ZNF557: variants seen among roughly 807,000 people sequenced by gnomAD.
The protein encoded by ZNF557 is zinc finger protein 557, also known as CTB-25J19.9.
Under a neutral mutation model 21.2 loss-of-function variants are expected in ZNF557, and 19 were observed. That is an observed-to-expected ratio of 0.90 (90% CI 0.63 to 1.32). The LOEUF (loss-of-function observed/expected upper bound fraction) is 1.32, where lower values mean the gene tolerates loss of function less well. Among genes scored for constraint, ZNF557 ranks in the 40% most tolerant of loss-of-function variants. The pLI, the probability that ZNF557 is intolerant of heterozygous loss-of-function variation, is 0.00. For missense variants in ZNF557, 487 were observed against 519.8 expected (o/e 0.94, Z 0.61); for synonymous variants, 207 against 194.8 (o/e 1.06, Z -0.52).
rs1198765161 is a variant in ZNF557 at position 7,083,465 on chromosome 19, C to T, written c.1014C>T (p.His338=). 5.0e-6 allele frequency: 8 copies of T among 1,614,032 alleles called. No individual in the cohort carries two copies. The highest frequency in any genetic ancestry group is 1.3e-5 in the African/African-American group (1 of 74,910). Residue 338 remains histidine (H), a synonymous_variant, in exon 8 of 8, where the codon CAC becomes CAT. Transcript: ENST00000252840. The part of the protein sequence containing the change: ...TFRRRSNLTQ[H]IRTHTGEKPY... The stretch of plus-strand genomic sequence containing the variant: ...GGAGGAGGTCGAATCTGACACAGCA[C>T]ATAAGAACTCATACTGGAGAAAAAC...
Position 7,083,396 on chromosome 19 carries a change from A to T in ZNF557, c.945A>T (p.Thr315=), listed in dbSNP as rs371713714. The stretch of plus-strand genomic sequence containing the variant: ...TTTCTTCGCACTATAGCATTCATAC[A>T]GGGGAGTACCCTTACGAATGCCACG... ...SSLSSHYSIH[T]GEYPYECHDC... The change falls in exon 8 of 8, where the codon ACA becomes ACT. Residue 315 remains threonine, a synonymous_variant. Transcript: ENST00000252840. 2.5e-6 allele frequency: 4 copies of T among 1,614,102 alleles called. No individual in the cohort carries two copies. In the African/African-American group the frequency reaches 5.3e-5, roughly 22 times the overall value.
In ZNF557 at chr19:7,079,663, GTTTC is replaced by G. The variant is rs1276824822; in HGVS notation, c.248-1693_248-1690del. On this transcript the variant is annotated intron_variant, in intron 5 of 7. Transcript: ENST00000252840. ...CCCAAGGTTTGTTGTAGTTGGTATT[GTTTC>G]TTTGTTTAGTGACATTTCTGAACTA... Among the ~76,000 whole-genome samples, 3 of 152,012 alleles carry G rather than the reference GTTTC, an allele frequency of 2.0e-5. No individual in the cohort carries two copies. In the East Asian group the frequency reaches 5.8e-4, roughly 29 times the overall value.
In ZNF557 at chr19:7,070,647, T is replaced by G. The variant is rs1977438787; in HGVS notation, c.-86T>G. 1 of 152,212 alleles carries G rather than the reference T, an allele frequency of 6.6e-6. No individual in the cohort carries two copies. The highest frequency in any genetic ancestry group is 1.5e-5 in the Non-Finnish European group (1 of 68,038). The allele number at this position is 152,212 out of a possible 1,614,324, so 9.4% of individuals were successfully genotyped here. A position where few individuals can be genotyped will look rare whatever the true frequency, so the allele number is the denominator to read the frequency against. ...CCTCACTGATCCGTGGACTTCTGTA[T>G]GATCAGGTAGGTACCGTGTAGAACC... On this transcript the variant is annotated 5_prime_UTR_variant, in exon 2 of 8. It removes an upstream start codon present in the reference 5' UTR. Coordinates refer to ENST00000252840, the MANE Select transcript of ZNF557 (RefSeq NM_024341.3).
intron 1 of ZNF557, among the ~76,000 whole-genome samples, chr19:7,070,091 A>G (rs1977429971): frequency 6.6e-6 from 1 of 152,202 alleles, no homozygotes; most frequent in African/African-American, 2.4e-5. Flanking sequence ...GCAGCTCAGC[A>G]TCCTGCAGCG....
In ZNF557 at chr19:7,087,649, C is replaced by A. The variant is rs1264072570; in HGVS notation, c.*3905C>A. ...GTTCTGCATATTACTAGACTTCTTA[C>A]ATGATCACAAGTAACCACTAATTGG... On this transcript the variant is annotated 3_prime_UTR_variant, in exon 8 of 8. Transcript: ENST00000252840. 6.6e-6 allele frequency: 1 copy of A among 151,818 alleles called. No individual in the cohort carries two copies. The highest frequency in any genetic ancestry group is 2.1e-4 in the South Asian group (1 of 4,814). The allele number at this position is 151,818 out of a possible 1,614,324, so 9.4% of individuals were successfully genotyped here.
chr19:7,080,282 C>T (rs1478666417), intron 5 of ZNF557, among the ~76,000 whole-genome samples: 3 of 152,026 alleles, frequency 2.0e-5, no homozygotes, highest in Non-Finnish European at 2.9e-5. Context: ...CTAGCCTGGG[C>T]GACAGAGCAA....
In ZNF557 at chr19:7,083,815, A is replaced by C; in HGVS notation, c.*71A>C. On this transcript the variant is annotated 3_prime_UTR_variant, in exon 8 of 8. Transcript: ENST00000252840. The stretch of plus-strand genomic sequence containing the variant: ...GATAACATGAGCAAACTCTAACAAG[A>C]TGTATGAATCACCTGCTACTGTGTA... 1 of 1,512,690 alleles carries C rather than the reference A, an allele frequency of 6.6e-7. No individual in the cohort carries two copies. The highest frequency in any genetic ancestry group is 8.9e-7 in the Non-Finnish European group (1 of 1,126,602). 93.7% of individuals were successfully genotyped at this position (1,512,690 alleles called of 1,614,324 possible).
At position 7,081,359 on chromosome 19, in the gene ZNF557, G is replaced by T; in HGVS notation, c.248-1G>T. On this transcript the variant is annotated splice_acceptor_variant, in intron 5 of 7. Coordinates refer to ENST00000252840, the MANE Select transcript of ZNF557 (RefSeq NM_024341.3). LOFTEE classifies it high-confidence loss of function. The stretch of plus-strand genomic sequence containing the variant: ...ATCATGTGTCTTTTCTCCATGTACA[G>T]GGAACCAAGTTGATAAACCTAGGCT... 1.2e-6 allele frequency: 2 copies of T among 1,612,074 alleles called. No homozygotes were observed. The highest frequency in any genetic ancestry group is 2.2e-5 in the South Asian group (2 of 90,970).
intron 4 of ZNF557, 109 bp downstream of exon 4, chr19:7,075,852 C>T: frequency 2.0e-6 from 3 of 1,523,976 alleles, no homozygotes; most frequent in Non-Finnish European, 2.7e-6. Context: ...CCTCAGGCAT[C>T]CCAGGGTCTC....
At position 7,083,690 on chromosome 19, in the gene ZNF557, C is replaced by G. The variant is rs757252329; in HGVS notation, c.1239C>G (p.Phe413Leu). Residue 413 changes from phenylalanine to leucine, a missense_variant, in exon 8 of 8, where the codon TTC becomes TTG. Transcript: ENST00000252840. The part of the protein sequence containing the change: ...PYECNYCGKS[F>L]TSNSYLSVHT... ...AATGTAATTATTGCGGGAAATCCTT[C>G]ACAAGTAACTCCTACCTTTCTGTGC... The G allele has an allele frequency of 6.2e-6, 10 of 1,613,776 alleles. No homozygotes were observed. The Admixed American group carries it at 1.7e-4, about 27-fold the overall frequency.
intron 5 of ZNF557, among the ~76,000 whole-genome samples, chr19:7,077,347 G>A (rs1977607504): frequency 6.6e-6 from 1 of 151,772 alleles, no homozygotes; most frequent in Non-Finnish European, 1.5e-5. Flanking sequence ...TGTTGGCCAG[G>A]CTGGTCTTGA....
chr19:7,071,243 A>C (rs1157348740), intron 2 of ZNF557, among the ~76,000 whole-genome samples: 2 of 151,270 alleles, frequency 1.3e-5, no homozygotes, highest in Non-Finnish European at 3.0e-5. Context: ...TTTTTCTTTT[A>C]TTTTTTTCTT....
At chr19:7,073,139 G>GTTT (rs1223246978) in intron 2 of ZNF557, among the ~76,000 whole-genome samples, 2 of 98,326 alleles carry the variant, frequency 2.0e-5, no homozygotes, top group South Asian at 3.5e-4. Flanking sequence ...ACAGATATTT[G>GTTT]TTTTTTTGGT....
rs372991686 is a variant in ZNF557, at chr19:7,083,678, C to T, written c.1227C>T (p.Cys409=). The change falls in exon 8 of 8, where the codon TGC becomes TGT. Residue 409 remains cysteine (C), a synonymous_variant. Transcript: ENST00000252840. ...AAAAACCCTATGAATGTAATTATTG[C>T]GGGAAATCCTTCACAAGTAACTCCT... ...TGKKPYECNY[C]GKSFTSNSYL... The T allele has an allele frequency of 1.1e-5, 17 of 1,613,784 alleles. No individual in the cohort carries two copies. Among genetic ancestry groups the T allele is most frequent in the East Asian group, 6.7e-5 (3 of 44,892 alleles).
chr19:7,075,020 G>C lies in ZNF557; in HGVS notation c.-55G>C. The C allele has an allele frequency of 6.2e-7, 1 of 1,613,688 alleles. No homozygotes were observed. Among genetic ancestry groups the C allele is most frequent in the Non-Finnish European group, 8.5e-7 (1 of 1,179,922 alleles). The stretch of plus-strand genomic sequence containing the variant: ...GGGTGCTGTCCTGAGAGCGCTGCGG[G>C]ATAAAGGAGGAGCGTCCTGCTTCCC... On this transcript the variant is annotated 5_prime_UTR_variant, in exon 3 of 8. Transcript: ENST00000252840.
Position 7,085,805 on chromosome 19 carries a change from TA to T in ZNF557, c.*2062del, listed in dbSNP as rs1977826411. On this transcript the variant is annotated 3_prime_UTR_variant, in exon 8 of 8. Coordinates refer to ENST00000252840, the MANE Select transcript of ZNF557 (RefSeq NM_024341.3). ...CTTTTAATATAAACATTTATGGCTA[TA>T]GTGGTCCTGAAAATCTTACTACCTC... 1 of 152,232 alleles carries T rather than the reference TA, an allele frequency of 6.6e-6. No individual in the cohort carries two copies. Among genetic ancestry groups the T allele is most frequent in the Non-Finnish European group, 1.5e-5 (1 of 68,038 alleles). 9.4% of individuals were successfully genotyped at this position (152,232 alleles called of 1,614,324 possible). A position where few individuals can be genotyped will look rare whatever the true frequency, so the allele number is the denominator to read the frequency against.
At chr19:7,076,597 A>G in intron 5 of ZNF557, 90 bp downstream of exon 5, 4 of 1,529,398 alleles carry the variant, frequency 2.6e-6, no homozygotes, top group South Asian at 2.6e-5. Flanking sequence ...ACAGGACACA[A>G]AAGTCACCAT....
intron 5 of ZNF557, 57 bp downstream of exon 5, chr19:7,076,564 T>G (rs2145168924): frequency 6.3e-7 from 1 of 1,577,352 alleles, no homozygotes; most frequent in South Asian, 1.2e-5. Context: ...AGTCTTTTTT[T>G]TCTTTTTTTA....
chr19:7,081,357 C>T lies in ZNF557; in HGVS notation c.248-3C>T, dbSNP rs1337440150. The T allele has an allele frequency of 1.9e-6, 3 of 1,610,338 alleles. No homozygotes were observed. Among genetic ancestry groups the T allele is most frequent in the African/African-American group, 2.7e-5 (2 of 74,838 alleles). On this transcript the variant is annotated splice_polypyrimidine_tract_variant and splice_region_variant and intron_variant, in intron 5 of 7. Transcript: ENST00000252840. Reference sequence around the variant, plus strand: ...ACATCATGTGTCTTTTCTCCATGTACAGGGAACCAAGTTGATAAACCTAGG... The same window carrying T: ...ACATCATGTGTCTTTTCTCCATGTATAGGGAACCAAGTTGATAAACCTAGG...
Sources: allele counts gnomAD v4.1 joint callset (sites outside exome capture counted in the v4.1 genomes callset), GRCh38; gene constraint gnomAD v4.1.1; transcripts MANE v1.5; gene names NCBI Gene and HGNC (gene_info 2026-07-23, HGNC 2026-07-21).